CD8B2: variants seen among roughly 807,000 people sequenced by gnomAD.
CD8B2 encodes CD8B family member 2, also known as T-cell surface glycoprotein CD8 beta-2 chain.
CD8B2 carries 11 observed loss-of-function variants against 23.7 expected under a neutral mutation model. That is an observed-to-expected ratio of 0.46 (90% CI 0.29 to 0.77). CD8B2 has a LOEUF of 0.77. CD8B2 is among the 30% of genes least tolerant of loss of function. The pLI is 0.09. For missense variants in CD8B2, 197 were observed against 270.5 expected (o/e 0.73, Z 1.91); for synonymous variants, 90 against 109.3 (o/e 0.82, Z 1.10).
intron 2 of CD8B2, among the ~76,000 whole-genome samples, chr2:106,493,246 GT>G (rs1332616838): frequency 6.6e-6 from 1 of 152,212 alleles, no homozygotes; most frequent in Non-Finnish European, 1.5e-5. Flanking sequence ...TTGAGAAAGT[GT>G]TTGGGGAGAG....
At chr2:106,543,506 G>C (rs920372141) in intron 5 of CD8B2, among the ~76,000 whole-genome samples, 5 of 151,974 alleles carry the variant, frequency 3.3e-5, no homozygotes, top group Non-Finnish European at 5.9e-5. Flanking sequence ...CTCCAGCCTG[G>C]GTAACAGGGC....
At chr2:106,528,206 A>G (rs961346332) in intron 5 of CD8B2, among the ~76,000 whole-genome samples, 2 of 152,244 alleles carry the variant, frequency 1.3e-5, no homozygotes, top group Admixed American at 1.3e-4. Flanking sequence ...TGCTTTGCCC[A>G]TTAAAAATTG....
downstream of CD8B2, among the ~76,000 whole-genome samples, chr2:106,512,107 G>C: frequency 6.6e-6 from 1 of 152,208 alleles, no homozygotes; most frequent in East Asian, 1.9e-4. Flanking sequence ...ACAGGGTGTT[G>C]CTCTGTCACC....
chr2:106,487,731 A>G (rs1679104291), intron 1 of CD8B2, among the ~76,000 whole-genome samples: 2 of 152,154 alleles, frequency 1.3e-5, no homozygotes, highest in Admixed American at 1.3e-4. Flanking sequence ...AAGGGGAGGC[A>G]GTGAAAAGGG....
At chr2:106,493,363 G>C (rs1679231199) in intron 2 of CD8B2, among the ~76,000 whole-genome samples, 1 of 152,152 alleles carries the variant, frequency 6.6e-6, no homozygotes, top group Non-Finnish European at 1.5e-5. Flanking sequence ...GAATCCAGGG[G>C]GACCTGGCTC....
At chr2:106,529,207 T>G (rs1452884142) in intron 5 of CD8B2, among the ~76,000 whole-genome samples, 1 of 152,182 alleles carries the variant, frequency 6.6e-6, no homozygotes, top group African/African-American at 2.4e-5. Context: ...TGCGATTAAG[T>G]AAACTGATAA....
intron 5 of CD8B2, among the ~76,000 whole-genome samples, chr2:106,523,492 T>C (rs1346175962): frequency 2.0e-5 from 3 of 152,170 alleles, no homozygotes; most frequent in Admixed American, 6.5e-5. Flanking sequence ...AGATGTGCCC[T>C]GACTGGAGGC....
chr2:106,495,556 A>G (rs927027357), intron 2 of CD8B2, among the ~76,000 whole-genome samples: 11 of 152,112 alleles, frequency 7.2e-5, no homozygotes, highest in Non-Finnish European at 1.5e-4. Context: ...AAATAAATAA[A>G]AAAATAAAAA....
At chr2:106,536,629 A>C (rs953519178) in intron 5 of CD8B2, among the ~76,000 whole-genome samples, 5 of 152,238 alleles carry the variant, frequency 3.3e-5, no homozygotes, top group African/African-American at 1.2e-4. Context: ...TGAATAGATG[A>C]AAAGGGTGAA....
chr2:106,496,103 A>T, intron 2 of CD8B2, 70 bp from the exon 3 acceptor site: 1 of 1,549,170 alleles, frequency 6.5e-7, no homozygotes, highest in African/African-American at 1.4e-5. Context: ...CGGCCATAAG[A>T]CAAAGTTTTG....
chr2:106,530,164 A>G (rs796404167), intron 5 of CD8B2, among the ~76,000 whole-genome samples: 12 of 152,332 alleles, frequency 7.9e-5, no homozygotes, highest in African/African-American at 2.9e-4. Context: ...TGCACATTTC[A>G]GTATTGTAAC....
intron 5 of CD8B2, among the ~76,000 whole-genome samples, chr2:106,532,005 CA>C: frequency 6.6e-6 from 1 of 152,234 alleles, no homozygotes; most frequent in Admixed American, 6.5e-5. Context: ...AGCAAAGTAA[CA>C]GATCTCCAGC....
At position 106,493,259 on chromosome 2, in the gene CD8B2, C is replaced by G. The variant is rs186818703; in HGVS notation, c.403+2026C>G. Among the ~76,000 whole-genome samples, 192 of 152,228 alleles carry G rather than the reference C, an allele frequency of 1.3e-3. 2 individuals carry two copies. The highest frequency in any genetic ancestry group is 5.2e-3 in the East Asian group (27 of 5,170). On this transcript the variant is annotated intron_variant, in intron 2 of 5. Transcript: ENST00000643224. Reference sequence around the variant, plus strand: ...GGTTGAGAAAGTGTTTGGGGAGAGACAGGGCCTTTTTCAGGCCCTTAAGTA... The same window carrying G: ...GGTTGAGAAAGTGTTTGGGGAGAGAGAGGGCCTTTTTCAGGCCCTTAAGTA...
Position 106,508,219 on chromosome 2 carries a change from C to T in CD8B2, c.*1279C>T, listed in dbSNP as rs1274315647. On this transcript the variant is annotated 3_prime_UTR_variant, in exon 6 of 6. Transcript: ENST00000643224. ...TGAGGCTGCATTAACAGAAGCACCA[C>T]GTCCAGGTCCAGGGAGAATCCAGCC... 4.6e-5 allele frequency: 7 copies of T among 152,186 alleles called. No individual in the cohort carries two copies. The highest frequency in any genetic ancestry group is 1.9e-4 in the East Asian group (1 of 5,162). The allele number at this position is 152,186 out of a possible 1,614,324, so 9.4% of individuals were successfully genotyped here. A position where few individuals can be genotyped will look rare whatever the true frequency, so the allele number is the denominator to read the frequency against.
chr2:106,535,670 T>C (rs781526213), intron 5 of CD8B2, among the ~76,000 whole-genome samples: 5 of 152,202 alleles, frequency 3.3e-5, no homozygotes, highest in Non-Finnish European at 5.9e-5. Context: ...TTTTCTCTAC[T>C]CAACAGGGGA....
chr2:106,542,274 G>A (rs2104578846), intron 5 of CD8B2, among the ~76,000 whole-genome samples: 1 of 152,212 alleles, frequency 6.6e-6, no homozygotes, highest in East Asian at 1.9e-4. Flanking sequence ...GTCAGCTGTG[G>A]GCTCACTGCG....
intron 3 of CD8B2, among the ~76,000 whole-genome samples, chr2:106,498,839 T>C (rs960472730): frequency 1.3e-5 from 2 of 152,162 alleles, no homozygotes; most frequent in African/African-American, 4.8e-5. Flanking sequence ...TGATCATGAA[T>C]GAAACCCATG....
intron 5 of CD8B2, among the ~76,000 whole-genome samples, chr2:106,518,071 T>C (rs901777407): frequency 2.0e-5 from 3 of 152,186 alleles, no homozygotes; most frequent in Non-Finnish European, 4.4e-5. Context: ...GCTTCTGAAT[T>C]CCTGGGCCAT....
Position 106,491,196 on chromosome 2 carries a change from C to G in CD8B2, c.366C>G (p.Pro122=). 2.5e-6 allele frequency: 4 copies of G among 1,611,646 alleles called. No homozygotes were observed. The highest frequency in any genetic ancestry group is 1.1e-5 in the South Asian group (1 of 90,918). Reference sequence around the variant, plus strand: ...ACTTCTGCATGATCGTCGGGAGCCCCGAGCTGACCTTCGGGAAGGGAACTC... The same window carrying G: ...ACTTCTGCATGATCGTCGGGAGCCCGGAGCTGACCTTCGGGAAGGGAACTC... ...GIYFCMIVGS[P]ELTFGKGTQL... The change falls in exon 2 of 6, where the codon CCC becomes CCG. Residue 122 remains proline (P), a synonymous_variant. Coordinates refer to ENST00000643224, the MANE Select transcript of CD8B2 (RefSeq NM_001349727.2).
Sources: allele counts gnomAD v4.1 joint callset (sites outside exome capture counted in the v4.1 genomes callset), GRCh38; gene constraint gnomAD v4.1.1; transcripts MANE v1.5; gene names NCBI Gene and HGNC (gene_info 2026-07-23, HGNC 2026-07-21).